Variants in EAF2 observed in about 807,000 individuals in gnomAD.
EAF2 encodes ELL associated factor 2.
In EAF2, 29 loss-of-function variants were observed where a neutral mutation model predicts 29.4. That is an observed-to-expected ratio of 0.99 (90% CI 0.73 to 1.35). The LOEUF is 1.35. Among genes scored for constraint, EAF2 ranks in the 40% most tolerant of loss-of-function variants. The pLI is 0.00. For missense variants in EAF2, 292 were observed against 312.0 expected, an observed-to-expected ratio of 0.94 and a Z score of 0.48; for synonymous variants, 103 against 102.5, an observed-to-expected ratio of 1.00 and a Z score of -0.03.
At chr3:121,856,696 G>A (rs547486929) in intron 3 of EAF2, among the ~76,000 whole-genome samples, 42 of 152,196 alleles carry the variant, frequency 2.8e-4, no homozygotes, top group African/African-American at 9.2e-4. Flanking sequence ...GACAAGGCTG[G>A]TCTTGAATTC....
intron 4 of EAF2, among the ~76,000 whole-genome samples, chr3:121,871,960 C>T (rs1709022441): frequency 6.6e-6 from 1 of 151,684 alleles, no homozygotes; most frequent in African/African-American, 2.4e-5. Flanking sequence ...TTGAAAAATG[C>T]TAAACAAAAG....
intron 5 of EAF2, chr3:121,873,148 T>C (rs528814437): frequency 1.4e-4 from 90 of 631,326 alleles, no homozygotes; most frequent in African/African-American, 1.2e-3. Flanking sequence ...TCAATACTTA[T>C]GTGTAGGTAA....
At chr3:121,836,737 T>G in intron 1 of EAF2, 2 of 987,762 alleles carry the variant, frequency 2.0e-6, no homozygotes, top group Non-Finnish European at 1.2e-6. Context: ...CTTTATCTGG[T>G]TTTTCCATGC....
intron 5 of EAF2, among the ~76,000 whole-genome samples, chr3:121,882,921 C>G (rs976441098): frequency 6.6e-6 from 1 of 151,694 alleles, no homozygotes; most frequent in Non-Finnish European, 1.5e-5. Context: ...ACCCAACACC[C>G]CCTTTTGTAA....
chr3:121,851,422 C>T (rs1337469947), intron 2 of EAF2, among the ~76,000 whole-genome samples: 1 of 152,132 alleles, frequency 6.6e-6, no homozygotes, highest in Non-Finnish European at 1.5e-5. Context: ...CTCAAGTGAT[C>T]CTTAGCCATC....
At position 121,854,708 on chromosome 3, in the gene EAF2, GT is replaced by G. The variant is rs1435606384; in HGVS notation, c.227del (p.Phe76SerfsTer9). 3 of 1,556,518 alleles carry G rather than the reference GT, an allele frequency of 1.9e-6. No individual in the cohort carries two copies. In the African/African-American group the frequency reaches 4.2e-5, roughly 22 times the overall value. ...NIEGSTPPVT[V>X]FKGSKKPYLK... ...ACAGGGTTCAACTCCACCAGTAACT[GT>G]TTTCAAAGGTTCAAAAAAACCTTAC... is the stretch of plus-strand genomic sequence containing the variant. On this transcript the variant is annotated frameshift_variant, in exon 3 of 6. Coordinates refer to ENST00000273668, the MANE Select transcript of EAF2 (RefSeq NM_018456.6). LOFTEE classifies it high-confidence loss of function.
intron 2 of EAF2, among the ~76,000 whole-genome samples, chr3:121,848,760 G>A (rs1425751089): frequency 1.3e-5 from 2 of 152,114 alleles, no homozygotes; most frequent in South Asian, 4.1e-4. Context: ...GGATCTAGAA[G>A]AACATGTCAA....
chr3:121,863,191 T>C (rs1440956068), intron 4 of EAF2, among the ~76,000 whole-genome samples: 1 of 152,216 alleles, frequency 6.6e-6, no homozygotes, highest in Non-Finnish European at 1.5e-5. Context: ...TCTCAAAGTC[T>C]GTGCTGGGAG....
At chr3:121,854,333 AAGG>A (rs1478784677) in intron 2 of EAF2, among the ~76,000 whole-genome samples, 15 of 151,434 alleles carry the variant, frequency 9.9e-5, no homozygotes, top group Admixed American at 2.6e-4. Context: ...AAAAAAAAAA[AAGG>A]AGGAATAGAA....
At chr3:121,838,686 G>T (rs1920322) in intron 1 of EAF2, among the ~76,000 whole-genome samples, 79,415 of 152,012 alleles carry the variant, frequency 0.52, 21,123 homozygotes, top group Admixed American at 0.59. Context: ...AGGCATCTAT[G>T]TAGTCTTCAG....
chr3:121,872,523 T>C lies in EAF2; in HGVS notation c.485-14T>C. ...TTTATTTAACCTATCTATTCATTTC[T>C]GTCTTATTTTCAGAACTGAAGGCAG... On this transcript the variant is annotated splice_polypyrimidine_tract_variant and intron_variant, in intron 4 of 5. Coordinates refer to ENST00000273668, the MANE Select transcript of EAF2 (RefSeq NM_018456.6). The C allele has an allele frequency of 1.3e-6, 2 of 1,571,268 alleles. No individual in the cohort carries two copies. The highest frequency in any genetic ancestry group is 1.7e-6 in the Non-Finnish European group (2 of 1,154,452).
chr3:121,838,275 T>C (rs753013881), intron 1 of EAF2, among the ~76,000 whole-genome samples: 4 of 152,156 alleles, frequency 2.6e-5, no homozygotes, highest in Non-Finnish European at 4.4e-5. Context: ...AAATAAATGG[T>C]AAAGTTGGTG....
At chr3:121,868,602 AT>A (rs1708963140) in intron 4 of EAF2, among the ~76,000 whole-genome samples, 3 of 152,190 alleles carry the variant, frequency 2.0e-5, no homozygotes, top group Non-Finnish European at 2.9e-5. Flanking sequence ...CATCTCAAAA[AT>A]AAATAAATAA....
rs200203978 is a variant in EAF2 at position 121,854,721 on chromosome 3, C to G, written c.236C>G (p.Ser79Ter). ...CCACCAGTAACTGTTTTCAAAGGTTCAAAAAAACCTTACTTAAAAGAATGC... is the reference window on the plus strand; with the variant it reads ...CCACCAGTAACTGTTTTCAAAGGTTGAAAAAAACCTTACTTAAAAGAATGC... Reference protein sequence around the residue: ...STPPVTVFKGSKKPYLKECIL... With the variant: ...STPPVTVFKG The change falls in exon 3 of 6, where the codon TCA (serine) becomes TGA (stop). Residue 79 changes from serine (S) to a stop codon, truncating the protein, a stop_gained. Transcript: ENST00000273668. LOFTEE classifies it high-confidence loss of function. 99 of 1,559,676 alleles carry G rather than the reference C, an allele frequency of 6.3e-5. No homozygotes were observed. The highest frequency in any genetic ancestry group is 9.2e-5 in the Admixed American group (4 of 43,386).
At chr3:121,868,104 A>T (rs1486341206) in intron 4 of EAF2, among the ~76,000 whole-genome samples, 1 of 152,210 alleles carries the variant, frequency 6.6e-6, no homozygotes, top group Non-Finnish European at 1.5e-5. Flanking sequence ...TAATTACTTT[A>T]AACATATATT....
At chr3:121,863,792 G>A (rs1448674905) in intron 4 of EAF2, among the ~76,000 whole-genome samples, 1 of 152,010 alleles carries the variant, frequency 6.6e-6, no homozygotes, top group South Asian at 2.1e-4. Context: ...GGTGGGAGCT[G>A]TAGACTGGAG....
intron 4 of EAF2, among the ~76,000 whole-genome samples, chr3:121,859,881 AG>A: frequency 6.6e-6 from 1 of 152,172 alleles, no homozygotes; most frequent in East Asian, 1.9e-4. Context: ...TTTAGCATGA[AG>A]GGCTGTTGAT....
intron 5 of EAF2, 102 bp downstream of exon 5, chr3:121,872,890 A>T: frequency 1.4e-6 from 2 of 1,422,874 alleles, no homozygotes; most frequent in South Asian, 2.7e-5. Flanking sequence ...TTCCTATTTT[A>T]TGCATTTGAT....
chr3:121,866,402 A>G (rs2107532188), intron 4 of EAF2, among the ~76,000 whole-genome samples: 1 of 152,322 alleles, frequency 6.6e-6, no homozygotes, highest in East Asian at 1.9e-4. Context: ...CCCTAGCATA[A>G]AAACCAAGAT....
Sources: gnomAD v4.1 joint callset for allele counts (sites outside exome capture counted in the v4.1 genomes callset) on GRCh38, gnomAD v4.1.1 for gene constraint, MANE v1.5 for transcripts, NCBI Gene and HGNC (gene_info 2026-07-23, HGNC 2026-07-21) for gene names.